FOXM1: variants seen among roughly 807,000 people sequenced by gnomAD.
The protein encoded by FOXM1 is forkhead box M1.
Under a neutral mutation model 63.6 loss-of-function variants are expected in FOXM1, and 25 were observed. The observed-to-expected ratio is 0.39, with a 90% CI of 0.29 to 0.55. The LOEUF (loss-of-function observed/expected upper bound fraction) is 0.55, where lower values mean the gene tolerates loss of function less well. Among genes scored for constraint, FOXM1 ranks in the 20% least tolerant of loss-of-function variants. The probability of loss-of-function intolerance (pLI) is 0.60; values close to 1 mark genes in which losing one functional copy is unlikely to be tolerated. For missense variants in FOXM1, 879 were observed against 958.7 expected (o/e 0.92, Z 1.10); for synonymous variants, 387 against 376.9 (o/e 1.03, Z -0.31).
At chr12:2,862,251 G>T (rs2098115215) in intron 8 of FOXM1, among the ~76,000 whole-genome samples, 1 of 151,798 alleles carries the variant, frequency 6.6e-6, no homozygotes. Flanking sequence ...TGTTCTGTGT[G>T]TTGTATGTGT....
At position 2,858,886 on chromosome 12, in the gene FOXM1, A is replaced by G; in HGVS notation, c.2044T>C (p.Leu682=). ...CCAAAGGGGACGGAGATGAGGTCTA[A>G]GGGTTCTGAACTGAGGAGCCTTTGC... ...SPQRLLSSEP[L]DLISVPFGNS... is the part of the protein sequence containing the mutation. Residue 682 remains leucine, a synonymous_variant, in exon 9 of 9, where the codon TTA becomes CTA. Coordinates refer to ENST00000359843, the MANE Select transcript of FOXM1 (RefSeq NM_021953.4). 6.2e-7 allele frequency: 1 copy of G among 1,613,978 alleles called. No individual in the cohort carries two copies. Among genetic ancestry groups the G allele is most frequent in the South Asian group, 1.1e-5 (1 of 91,080 alleles).
chr12:2,872,535 G>C lies in FOXM1; in HGVS notation c.503-288C>G, dbSNP rs1276694125. ...GAGACAGGAGAATTGCTCGAACCCGGGAGACGAAGGCTGCAGTGAGCCAAC... is the reference window on the plus strand; with the variant it reads ...GAGACAGGAGAATTGCTCGAACCCGCGAGACGAAGGCTGCAGTGAGCCAAC... On this transcript the variant is annotated intron_variant, in intron 2 of 8. Transcript: ENST00000359843. This position sits in a 1 kb window ranked among gnomAD's most constrained non-coding sequence, Gnocchi z 4.0. Among the ~76,000 whole-genome samples the C allele has an allele frequency of 2.0e-5, 3 of 152,126 alleles. No individual in the cohort carries two copies. The highest frequency in any genetic ancestry group is 2.0e-4 in the Admixed American group (3 of 15,260).
At chr12:2,876,489 G>T (rs543699661) in intron 1 of FOXM1, 1 of 152,392 alleles carries the variant, frequency 6.6e-6, no homozygotes, top group South Asian at 2.1e-4. Flanking sequence ...ACATTCTCAA[G>T]AACCAGGAAA....
At chr12:2,868,505 A>C in intron 4 of FOXM1, 58 bp downstream of exon 4, 4 of 1,334,090 alleles carry the variant, frequency 3.0e-6, no homozygotes, top group Non-Finnish European at 3.2e-6. Flanking sequence ...GCAGTACAGC[A>C]CTGGAGAGAC....
chr12:2,863,379 C>A (rs1018580856), intron 8 of FOXM1, among the ~76,000 whole-genome samples: 1 of 152,064 alleles, frequency 6.6e-6, no homozygotes, highest in African/African-American at 2.4e-5. Context: ...TGTTTGCTTA[C>A]CCAAATCTAC....
In FOXM1 at chr12:2,872,375, C is replaced by T. The variant is rs1198831701; in HGVS notation, c.503-128G>A. ...CTGTAATCCTAGCACTTTGGGAGGG[C>T]GAGGCGGGTGGATCTCCTGAGGTCA... On this transcript the variant is annotated intron_variant, in intron 2 of 8. Coordinates refer to ENST00000359843, the MANE Select transcript of FOXM1 (RefSeq NM_021953.4). This position sits in a 1 kb window ranked among gnomAD's most constrained non-coding sequence, Gnocchi z 4.0. 7 of 900,966 alleles carry T rather than the reference C, an allele frequency of 7.8e-6. No homozygotes were observed. Among genetic ancestry groups the T allele is most frequent in the South Asian group, 1.6e-5 (1 of 61,940 alleles). The allele number at this position is 900,966 out of a possible 1,614,324, so 55.8% of individuals were successfully genotyped here.
At chr12:2,861,976 C>G (rs897925976) in intron 8 of FOXM1, among the ~76,000 whole-genome samples, 1 of 152,014 alleles carries the variant, frequency 6.6e-6, no homozygotes, top group East Asian at 1.9e-4. Context: ...GTCAGGAGCT[C>G]GAGACCAGCC....
rs1442499197 is a variant in FOXM1 at position 2,859,242 on chromosome 12, G to A, written c.1688C>T (p.Ser563Leu). 1.2e-6 allele frequency: 2 copies of A among 1,613,734 alleles called. No homozygotes were observed. Among genetic ancestry groups the A allele is most frequent in the Non-Finnish European group, 1.7e-6 (2 of 1,179,992 alleles). Residue 563 changes from serine (S) to leucine (L), a missense_variant, in exon 9 of 9, where the codon TCA becomes TTA. Ser to Leu is a moderately radical substitution (Grantham distance 145). Transcript: ENST00000359843. Reference protein sequence around the residue: ...PCVDEPELLFSEGPSTSRWAA... With the variant: ...PCVDEPELLFLEGPSTSRWAA... ...CCAGCGGGAAGTACTGGGCCCCTCT[G>A]AGAAGAGCAGCTCCGGCTCATCCAC...
In FOXM1 at chr12:2,872,146, G is replaced by C. The variant is rs150676642; in HGVS notation, c.604C>G (p.Gln202Glu). 24 of 1,614,060 alleles carry C rather than the reference G, an allele frequency of 1.5e-5. No individual in the cohort carries two copies. Among genetic ancestry groups the C allele is most frequent in the Non-Finnish European group, 2.0e-5 (24 of 1,180,028 alleles). The change falls in exon 3 of 9, where the codon CAA becomes GAA. Residue 202 changes from glutamine (Q) to glutamate (E), a missense_variant. Gln to Glu is a conservative substitution (Grantham distance 29). Around this residue, in one of 4 missense-constraint regions of FOXM1, gnomAD observed 255 missense variants for 292.4 expected, o/e 0.87. Transcript: ENST00000359843. The surrounding 1 kb of genome is among the most constrained non-coding windows in gnomAD (Gnocchi z 4.0). ...CAATTCTCCTTTTCCTCCATCTCTT[G>C]CTTGATGCTGCGGGAGCCCAGTCCA... is the stretch of plus-strand genomic sequence containing the variant. Reference protein sequence around the residue: ...SDGLGSRSIKQEMEEKENCHL... With the variant: ...SDGLGSRSIKEEMEEKENCHL...
rs769684541 is a variant in FOXM1 at position 2,866,414 on chromosome 12, C to G, written c.954G>C (p.Leu318Phe). Residue 318 changes from leucine (L) to phenylalanine (F), a missense_variant, in exon 5 of 9, where the codon TTG becomes TTC. Coordinates refer to ENST00000359843, the MANE Select transcript of FOXM1 (RefSeq NM_021953.4). Reference protein sequence around the residue: ...WTIHPSANRYLTLDQVFKPLD... With the variant: ...WTIHPSANRYFTLDQVFKPLD... Reference sequence around the variant, plus strand: ...TCACCTTAAACACCTGGTCCAATGTCAAGTAGCGGTTGGCACTGGGGTGAA... The same window carrying G: ...TCACCTTAAACACCTGGTCCAATGTGAAGTAGCGGTTGGCACTGGGGTGAA... 3 of 1,524,956 alleles carry G rather than the reference C, an allele frequency of 2.0e-6. No homozygotes were observed. Among genetic ancestry groups the G allele is most frequent in the South Asian group, 2.5e-5 (2 of 78,524 alleles). 94.5% of individuals were successfully genotyped at this position (1,524,956 alleles called of 1,614,324 possible). A position where few individuals can be genotyped will look rare whatever the true frequency, so the allele number is the denominator to read the frequency against.
At chr12:2,869,320 C>T (rs2098128843) in intron 3 of FOXM1, among the ~76,000 whole-genome samples, 1 of 152,096 alleles carries the variant, frequency 6.6e-6, no homozygotes, top group Non-Finnish European at 1.5e-5. Flanking sequence ...CCCAGGATAG[C>T]GTGCAGTGGC....
chr12:2,859,848 G>A, intron 8 of FOXM1, 185 bp from the exon 9 acceptor site: 2 of 584,372 alleles, frequency 3.4e-6, no homozygotes, highest in Non-Finnish European at 6.1e-6. Flanking sequence ...TATGTAGTAT[G>A]TAGTGGCATA....
At chr12:2,859,894 G>C (rs2098106767) in intron 8 of FOXM1, 1 of 524,958 alleles carries the variant, frequency 1.9e-6, no homozygotes, top group Non-Finnish European at 3.4e-6. Context: ...AAATAAAATT[G>C]CATGCTTGTC....
intron 5 of FOXM1, 98 bp downstream of exon 5, chr12:2,866,295 G>A (rs980970395): frequency 7.9e-7 from 1 of 1,268,454 alleles, no homozygotes; most frequent in African/African-American, 1.5e-5. Context: ...ACTCTCCCCT[G>A]ATCAAATGAA....
chr12:2,870,248 T>C (rs2098130665), intron 3 of FOXM1, among the ~76,000 whole-genome samples: 1 of 152,184 alleles, frequency 6.6e-6, no homozygotes, highest in Non-Finnish European at 1.5e-5. Context: ...AGTGCTGTGA[T>C]TACAAGCATG....
rs568478809 is a variant in FOXM1 at position 2,873,680 on chromosome 12, C to T, written c.502+297G>A. Among the ~76,000 whole-genome samples, 6 of 151,838 alleles carry T rather than the reference C, an allele frequency of 4.0e-5. No individual in the cohort carries two copies. The South Asian group carries it at 1.0e-3, about 26-fold the overall frequency. On this transcript the variant is annotated intron_variant, in intron 2 of 8. Transcript: ENST00000359843. The stretch of plus-strand genomic sequence containing the variant: ...TGCAACCTCCACCTCCCAGGTTCAG[C>T]GATTCTCCTGCCTCAGCCTCCAGAG...
At chr12:2,862,541 G>GT (rs986281134) in intron 8 of FOXM1, among the ~76,000 whole-genome samples, 37 of 152,190 alleles carry the variant, frequency 2.4e-4, no homozygotes, top group African/African-American at 8.2e-4. Flanking sequence ...TAAAGAAAAT[G>GT]TTTTTTAGAG....
rs1603499050 is a variant in FOXM1, at chr12:2,859,286, C to G, written c.1644G>C (p.Gln548His). ...RRERSRSRRK[Q>H]HLLPPCVDEP... is the part of the protein sequence containing the mutation. ...CATCCACACAGGGAGGCAGTAGATG[C>G]TGTTTTCTCCGAGACCGGCTCCTCT... is the stretch of plus-strand genomic sequence containing the variant. Residue 548 changes from glutamine to histidine, a missense_variant, in exon 9 of 9, where the codon CAG (glutamine) becomes CAC (histidine). Gln to His is a conservative substitution (Grantham distance 24). This residue lies in a region of FOXM1 where 486 missense variants were observed against 453.5 expected (regional missense o/e 1.07). Coordinates refer to ENST00000359843, the MANE Select transcript of FOXM1 (RefSeq NM_021953.4). The G allele has an allele frequency of 1.2e-6, 2 of 1,613,664 alleles. No individual in the cohort carries two copies. Among genetic ancestry groups the G allele is most frequent in the East Asian group, 2.2e-5 (1 of 44,866 alleles).
At chr12:2,873,895 A>ATC in intron 2 of FOXM1, 82 bp downstream of exon 2, 1 of 1,440,376 alleles carries the variant, frequency 6.9e-7, no homozygotes, top group South Asian at 1.4e-5. Context: ...TGACTGTTGT[A>ATC]AGCATCAAGA....
Sources: gnomAD v4.1 joint callset for allele counts (sites outside exome capture counted in the v4.1 genomes callset) on GRCh38, gnomAD v4.1.1 for gene constraint, gnomAD v4.1.1 regional missense constraint, Gnocchi (gnomAD v3.1) non-coding constraint, MANE v1.5 for transcripts, NCBI Gene and HGNC (gene_info 2026-07-23, HGNC 2026-07-21) for gene names.